The following AUNIP variants were observed in gnomAD, a reference collection of about 807,000 sequenced individuals.
AUNIP encodes the protein aurora kinase A- and ninein-interacting protein.
In AUNIP, 16 loss-of-function variants were observed where a neutral mutation model predicts 12.2. The ratio of observed to expected loss-of-function variants is 1.31; its 90% CI spans 0.88 to 1.99. The LOEUF is 1.99. AUNIP is among the 30% of genes most tolerant of loss of function. AUNIP has a pLI of 0.00. For missense variants in AUNIP, 411 were observed against 419.1 expected (o/e 0.98, Z 0.17); for synonymous variants, 142 against 154.8 (o/e 0.92, Z 0.61).
intron 1 of AUNIP, among the ~76,000 whole-genome samples, chr1:25,848,578 T>C (rs537623497): frequency 6.6e-6 from 1 of 151,784 alleles, no homozygotes; most frequent in African/African-American, 2.4e-5. Context: ...TCCCACCTGA[T>C]AGGAGTGTTT....
At chr1:25,849,759 G>A (rs2048413493) in intron 1 of AUNIP, among the ~76,000 whole-genome samples, 1 of 152,104 alleles carries the variant, frequency 6.6e-6, no homozygotes, top group Non-Finnish European at 1.5e-5. Context: ...TCAGTCTCCT[G>A]AGCAGCTGGA....
chr1:25,850,504 G>A (rs1026034595), intron 1 of AUNIP, among the ~76,000 whole-genome samples: 1 of 152,168 alleles, frequency 6.6e-6, no homozygotes, highest in Non-Finnish European at 1.5e-5. Context: ...CACTGATTCT[G>A]TAGATCAATT....
chr1:25,831,915 C>A (rs1476221710), downstream of AUNIP: 1 of 1,612,106 alleles, frequency 6.2e-7, no homozygotes, highest in Non-Finnish European at 8.5e-7. Context: ...ATTATTGTGT[C>A]TCTAGGAACC....
intron 1 of AUNIP, among the ~76,000 whole-genome samples, chr1:25,842,238 T>C (rs2048351877): frequency 6.6e-6 from 1 of 152,236 alleles, no homozygotes; most frequent in Admixed American, 6.5e-5. Flanking sequence ...AAAACAGCCT[T>C]ATTGCTGATA....
At chr1:25,845,785 AC>A (rs2048379280) in intron 1 of AUNIP, among the ~76,000 whole-genome samples, 1 of 152,222 alleles carries the variant, frequency 6.6e-6, no homozygotes, top group South Asian at 2.1e-4. Flanking sequence ...CATTTTCAGC[AC>A]AACAGCAATA....
intron 1 of AUNIP, among the ~76,000 whole-genome samples, chr1:25,850,317 C>G (rs1157223819): frequency 6.6e-6 from 1 of 152,126 alleles, no homozygotes; most frequent in Admixed American, 6.5e-5. Context: ...ATGACAGTAT[C>G]AAACCATCTT....
chr1:25,843,239 G>C (rs1200564764), intron 1 of AUNIP, among the ~76,000 whole-genome samples: 1 of 149,498 alleles, frequency 6.7e-6, no homozygotes, highest in Non-Finnish European at 1.5e-5. Flanking sequence ...AGCCACTCAA[G>C]AGCTTGATGG....
chr1:25,855,342 T>A (rs2048453580), intron 1 of AUNIP, among the ~76,000 whole-genome samples: 1 of 152,150 alleles, frequency 6.6e-6, no homozygotes, highest in South Asian at 2.1e-4. Context: ...AAACTTTTTT[T>A]ATTTTTTGTG....
chr1:25,838,726 A>C (rs951114391), intron 1 of AUNIP, among the ~76,000 whole-genome samples: 3 of 152,234 alleles, frequency 2.0e-5, no homozygotes, highest in Admixed American at 6.5e-5. Flanking sequence ...TTGTCAACTA[A>C]CTATAAATAT....
chr1:25,854,363 A>G (rs948569585), intron 1 of AUNIP, among the ~76,000 whole-genome samples: 4 of 152,138 alleles, frequency 2.6e-5, no homozygotes, highest in Non-Finnish European at 5.9e-5. Flanking sequence ...AATTACTTAC[A>G]TTCTTCCCAT....
chr1:25,848,643 A>C (rs747682607), intron 1 of AUNIP, among the ~76,000 whole-genome samples: 2 of 152,158 alleles, frequency 1.3e-5, no homozygotes, highest in Non-Finnish European at 2.9e-5. Flanking sequence ...CTGTGCTAAC[A>C]ATGTGATTTA....
intron 1 of AUNIP, among the ~76,000 whole-genome samples, chr1:25,853,551 C>A (rs930917075): frequency 4.6e-5 from 7 of 152,124 alleles, no homozygotes. Flanking sequence ...GAGCTGAGAT[C>A]GTGCCACTGC....
intron 1 of AUNIP, 88 bp from the exon 2 acceptor site, chr1:25,837,642 G>A: frequency 7.4e-7 from 1 of 1,357,768 alleles, no homozygotes; most frequent in Non-Finnish European, 1.0e-6. Flanking sequence ...GATCCTCTGA[G>A]AACCACACTA....
At chr1:25,832,099 G>C (rs751310706), downstream of AUNIP, 1 of 1,611,004 alleles carries the variant, frequency 6.2e-7, no homozygotes, top group Middle Eastern at 1.7e-4. Flanking sequence ...CACCGCAGAT[G>C]TTTCTGCCTC....
At chr1:25,849,694 C>T (rs187525406) in intron 1 of AUNIP, among the ~76,000 whole-genome samples, 55 of 152,302 alleles carry the variant, frequency 3.6e-4, no homozygotes, top group South Asian at 1.7e-3. Context: ...AGTGCAGCTA[C>T]GCAATCTTGG....
intron 1 of AUNIP, among the ~76,000 whole-genome samples, chr1:25,855,680 G>T (rs1053973054): frequency 6.6e-6 from 1 of 152,028 alleles, no homozygotes; most frequent in Non-Finnish European, 1.5e-5. Context: ...AGATCAAGGG[G>T]GAAGAGGCAT....
chr1:25,842,013 C>G (rs143872395), intron 1 of AUNIP, among the ~76,000 whole-genome samples: 2 of 152,266 alleles, frequency 1.3e-5, no homozygotes, highest in East Asian at 3.9e-4. Context: ...ATGAAGAACT[C>G]TATAATGGCC....
intron 1 of AUNIP, among the ~76,000 whole-genome samples, chr1:25,852,596 C>T (rs563999442): frequency 2.6e-5 from 4 of 151,870 alleles, no homozygotes; most frequent in Non-Finnish European, 4.4e-5. Flanking sequence ...CCTGCCACCA[C>T]GCACAGCTAA....
intron 1 of AUNIP, among the ~76,000 whole-genome samples, chr1:25,854,941 T>G (rs2048450065): frequency 6.6e-6 from 1 of 151,022 alleles, no homozygotes; most frequent in African/African-American, 2.4e-5. Flanking sequence ...TGACCTAGAT[T>G]CAGAATTCTT....
Sources: gnomAD v4.1 joint callset for allele counts (sites outside exome capture counted in the v4.1 genomes callset) on GRCh38, gnomAD v4.1.1 for gene constraint, MANE v1.5 for transcripts, NCBI Gene and HGNC (gene_info 2026-07-23, HGNC 2026-07-21) for gene names.